The following FGF12 variants were observed in gnomAD, a reference collection of about 807,000 sequenced individuals.
FGF12 encodes fibroblast growth factor 12B.
A neutral mutation model predicts 23.6 loss-of-function variants in FGF12; 14 were observed. That is an observed-to-expected ratio of 0.59 (90% confidence interval 0.39 to 0.93). The LOEUF is 0.93. Among genes scored for constraint, FGF12 ranks in the 40% least tolerant of loss-of-function variants. The pLI is 0.00. For missense variants in FGF12, 175 were observed against 217.8 expected (o/e 0.80, Z 1.24); for synonymous variants, 62 against 77.3 (o/e 0.80, Z 1.04).
chr3:192,450,624 A>T (rs1280644392), intron 2 of FGF12, among the ~76,000 whole-genome samples: 1 of 152,192 alleles, frequency 6.6e-6, no homozygotes, highest in Non-Finnish European at 1.5e-5. Flanking sequence ...ACTCTTTATA[A>T]TCATCAAGAG....
At chr3:192,695,571 TAACA>T (rs1718092728) in intron 2 of FGF12, among the ~76,000 whole-genome samples, 1 of 152,178 alleles carries the variant, frequency 6.6e-6, no homozygotes, top group Non-Finnish European at 1.5e-5. Context: ...TTTTTTCAGT[TAACA>T]AACTAACTAA....
At chr3:192,237,900 T>G (rs1719384876) in intron 4 of FGF12, 1 of 152,234 alleles carries the variant, frequency 6.6e-6, no homozygotes, top group African/African-American at 2.4e-5. Context: ...AAGAAGACAC[T>G]CTGGCTTTAA....
chr3:192,146,819 G>A (rs1342279274), intron 5 of FGF12, among the ~76,000 whole-genome samples: 2 of 151,460 alleles, frequency 1.3e-5, no homozygotes, highest in Non-Finnish European at 2.9e-5. Context: ...TATATTGAGC[G>A]GTATTGCAAA....
At chr3:192,455,237 C>T (rs1012470124) in intron 2 of FGF12, among the ~76,000 whole-genome samples, 4 of 152,232 alleles carry the variant, frequency 2.6e-5, no homozygotes, top group South Asian at 2.1e-4. Context: ...AATACTGTTT[C>T]GGAGAGGGGA....
intron 4 of FGF12, among the ~76,000 whole-genome samples, chr3:192,312,696 G>A (rs1490900740): frequency 2.7e-5 from 4 of 150,078 alleles, no homozygotes; most frequent in East Asian, 2.0e-4. Flanking sequence ...GCCGTGAGCC[G>A]AGATCGCACA....
At chr3:192,573,194 G>T (rs1712725748) in intron 2 of FGF12, among the ~76,000 whole-genome samples, 1 of 151,740 alleles carries the variant, frequency 6.6e-6, no homozygotes, top group African/African-American at 2.4e-5. Flanking sequence ...TTCTGAACTG[G>T]CCTTAAAAAT....
intron 4 of FGF12, among the ~76,000 whole-genome samples, chr3:192,277,266 G>T (rs6802193): frequency 2.8e-3 from 423 of 152,292 alleles, no homozygotes; most frequent in African/African-American, 0.01. Flanking sequence ...AGTTTATTCA[G>T]ATTTTAGAGA....
chr3:192,385,716 G>T (rs578250635), intron 2 of FGF12, among the ~76,000 whole-genome samples: 1 of 152,168 alleles, frequency 6.6e-6, no homozygotes, highest in Non-Finnish European at 1.5e-5. Context: ...CTTCAGGCCA[G>T]GGGCGAATAC....
At chr3:192,455,583 T>C (rs1227155575) in intron 2 of FGF12, among the ~76,000 whole-genome samples, 1 of 152,212 alleles carries the variant, frequency 6.6e-6, no homozygotes, top group Non-Finnish European at 1.5e-5. Flanking sequence ...GATGCAATGA[T>C]AACATTTTAT....
chr3:192,618,308 A>G (rs1415528543), intron 2 of FGF12, among the ~76,000 whole-genome samples: 1 of 152,112 alleles, frequency 6.6e-6, no homozygotes, highest in African/African-American at 2.4e-5. Context: ...TACTGCTGAT[A>G]GAATTGCATT....
intron 4 of FGF12, among the ~76,000 whole-genome samples, chr3:192,221,961 G>A (rs1718498114): frequency 6.6e-6 from 1 of 152,160 alleles, no homozygotes; most frequent in Non-Finnish European, 1.5e-5. Context: ...AGAAACATTT[G>A]ATAGAGATTT....
intron 2 of FGF12, among the ~76,000 whole-genome samples, chr3:192,686,432 C>A (rs1392557480): frequency 3.3e-5 from 5 of 152,174 alleles, no homozygotes; most frequent in Non-Finnish European, 5.9e-5. Flanking sequence ...CCCATCACCA[C>A]AACCCCAAAA....
chr3:192,253,881 A>G (rs1221273970), intron 4 of FGF12, among the ~76,000 whole-genome samples: 2 of 152,144 alleles, frequency 1.3e-5, no homozygotes, highest in Admixed American at 6.5e-5. Context: ...AAACCACCAC[A>G]GTATTTTAAA....
At chr3:192,275,264 A>G (rs1171290539) in intron 4 of FGF12, among the ~76,000 whole-genome samples, 1 of 151,202 alleles carries the variant, frequency 6.6e-6, no homozygotes, top group Non-Finnish European at 1.5e-5. Context: ...TTAAGCAATC[A>G]GGAGAGACTC....
intron 2 of FGF12, among the ~76,000 whole-genome samples, chr3:192,453,833 T>C (rs1722599398): frequency 6.6e-6 from 1 of 152,176 alleles, no homozygotes; most frequent in South Asian, 2.1e-4. Flanking sequence ...TCCATTTGTT[T>C]AAATCAAATT....
intron 2 of FGF12, among the ~76,000 whole-genome samples, chr3:192,486,692 T>G (rs1560126091): frequency 6.6e-6 from 1 of 152,026 alleles, no homozygotes; most frequent in Non-Finnish European, 1.5e-5. Flanking sequence ...TCTTTCATTC[T>G]GAGTGGAATG....
chr3:192,321,622 A>T (rs777088788), intron 4 of FGF12, among the ~76,000 whole-genome samples: 1 of 152,138 alleles, frequency 6.6e-6, no homozygotes, highest in Non-Finnish European at 1.5e-5. Context: ...ATTCATCATA[A>T]GCAAGAGGGA....
rs79609267 is a variant in FGF12, at chr3:192,240,747, C to T, written c.229-70091G>A. 5.4e-3 allele frequency among the ~76,000 whole-genome samples: 824 copies of T among 152,236 alleles called. 4 individuals are homozygous for T. The highest frequency in any genetic ancestry group is 0.019 in the African/African-American group (804 of 41,542). ...ATTTTGTCAGAAGACATATCTCCCC[C>T]CAATTTCTCAGAGGTCTTTATCTCT... On this transcript the variant is annotated intron_variant, in intron 4 of 5. Transcript: ENST00000445105.
At chr3:192,189,947 AGG>A (rs1311522488) in intron 4 of FGF12, among the ~76,000 whole-genome samples, 1 of 152,058 alleles carries the variant, frequency 6.6e-6, no homozygotes, top group Non-Finnish European at 1.5e-5. Flanking sequence ...CTCAGGAGCA[AGG>A]GGGGATGGTG....
Sources: gnomAD v4.1 joint callset for allele counts (sites outside exome capture counted in the v4.1 genomes callset) on GRCh38, gnomAD v4.1.1 for gene constraint, MANE v1.5 for transcripts, NCBI Gene and HGNC (gene_info 2026-07-23, HGNC 2026-07-21) for gene names.